Variants in WDFY4 observed in about 807,000 individuals in gnomAD.
WDFY4 encodes the protein WDFY family member 4, also known as WD repeat- and FYVE domain-containing protein 4.
Under a neutral mutation model 351.9 loss-of-function variants are expected in WDFY4, and 169 were observed. The ratio of observed to expected loss-of-function variants is 0.48; its 90% CI spans 0.42 to 0.55. The LOEUF is 0.55. WDFY4 is among the 20% of genes least tolerant of loss of function. The pLI, the probability that WDFY4 is intolerant of heterozygous loss-of-function variation, is 0.00. For missense variants in WDFY4, 3,803 were observed against 3,935.6 expected, an observed-to-expected ratio of 0.97 and a Z score of 0.90; for synonymous variants, 1,622 against 1,574.6, an observed-to-expected ratio of 1.03 and a Z score of -0.71.
chr10:48,731,520 C>G lies in WDFY4; in HGVS notation c.1540C>G (p.Leu514Val). Residue 514 changes from leucine to valine, a missense_variant, in exon 9 of 62, where the codon CTG becomes GTG. Physicochemically the swap from Leu to Val is conservative, Grantham distance 32. This residue lies in a region of WDFY4 where 261 missense variants were observed against 330.2 expected (regional missense o/e 0.79). Coordinates refer to ENST00000325239, the MANE Select transcript of WDFY4 (RefSeq NM_001394531.1). Reference sequence around the variant, plus strand: ...GGACTCAGGGCTCCTGGGCCTGCTACTGGCACAGCTTCGGAAGCAAGCCAA... The same window carrying G: ...GGACTCAGGGCTCCTGGGCCTGCTAGTGGCACAGCTTCGGAAGCAAGCCAA... ...FRDSGLLGLLLAQLRKQAKIM... is the reference protein window; with the variant it reads ...FRDSGLLGLLVAQLRKQAKIM... The G allele has an allele frequency of 6.4e-7, 1 of 1,551,428 alleles. No homozygotes were observed. The highest frequency in any genetic ancestry group is 1.2e-5 in the South Asian group (1 of 84,064).
Position 48,802,747 on chromosome 10 carries a change from T to C in WDFY4, c.4411-539T>C, listed in dbSNP as rs568412656. 263 of 471,426 alleles carry C rather than the reference T, an allele frequency of 5.6e-4. 1 individual carries two copies. Among genetic ancestry groups the C allele is most frequent in the Non-Finnish European group, 1.3e-4 (30 of 227,194 alleles). The allele number at this position is 471,426 out of a possible 1,614,324, so 29.2% of individuals were successfully genotyped here. On this transcript the variant is annotated intron_variant, in intron 24 of 61. Transcript: ENST00000325239. The stretch of plus-strand genomic sequence containing the variant: ...AATTTTGTCATGCATGAGATGACAC[T>C]GTGGTTTGGGCTGAAGAATGTGTTG...
intron 13 of WDFY4, among the ~76,000 whole-genome samples, chr10:48,761,350 A>G (rs1016656220): frequency 6.6e-6 from 1 of 152,192 alleles, no homozygotes; most frequent in African/African-American, 2.4e-5. Flanking sequence ...GAAAAACATT[A>G]CATTGGCTGC....
Position 48,946,986 on chromosome 10 carries a change from C to G in WDFY4, c.7977+17C>G. On this transcript the variant is annotated intron_variant, in intron 51 of 61. Transcript: ENST00000325239. Reference sequence around the variant, plus strand: ...GCTCTGCAGGTGAGCTGCTGCCACTCTCTGTACACACACACACACACACAC... The same window carrying G: ...GCTCTGCAGGTGAGCTGCTGCCACTGTCTGTACACACACACACACACACAC... 6.9e-7 allele frequency: 1 copy of G among 1,455,978 alleles called. No individual in the cohort carries two copies. Among genetic ancestry groups the G allele is most frequent in the South Asian group, 1.2e-5 (1 of 81,580 alleles). 90.2% of individuals were successfully genotyped at this position (1,455,978 alleles called of 1,614,324 possible).
intron 35 of WDFY4, among the ~76,000 whole-genome samples, chr10:48,824,783 C>G (rs956424988): frequency 3.3e-5 from 5 of 152,180 alleles, no homozygotes; most frequent in African/African-American, 1.2e-4. Context: ...GGACTACAGA[C>G]ATGTACCACC....
chr10:48,970,328 G>A, intron 57 of WDFY4, 39 bp downstream of exon 57: 18 of 1,540,988 alleles, frequency 1.2e-5, no homozygotes, highest in Non-Finnish European at 1.6e-5. Context: ...CTCAGGTGGG[G>A]ACAGTACTTC....
At chr10:48,874,143 T>C (rs1328831455) in intron 41 of WDFY4, among the ~76,000 whole-genome samples, 3 of 152,366 alleles carry the variant, frequency 2.0e-5, no homozygotes, top group South Asian at 4.1e-4. Flanking sequence ...AATTTTACGA[T>C]GAAAATCTCA....
At chr10:48,823,109 C>T in intron 35 of WDFY4, 1 of 1,294,802 alleles carries the variant, frequency 7.7e-7, no homozygotes, top group South Asian at 1.2e-5. Flanking sequence ...TATGTATGTG[C>T]ATGCATATAC....
Position 48,964,013 on chromosome 10 carries a change from A to T in WDFY4, c.8395A>T (p.Ile2799Phe). The T allele has an allele frequency of 1.3e-6, 2 of 1,550,284 alleles. No individual in the cohort carries two copies. The highest frequency in any genetic ancestry group is 4.9e-5 in the East Asian group (2 of 40,920). The change falls in exon 54 of 62, where the codon ATC becomes TTC. Residue 2799 changes from isoleucine (I) to phenylalanine (F), a missense_variant. Physicochemically the swap from Ile to Phe is conservative, Grantham distance 21. This residue lies in a region of WDFY4 where 3,054 missense variants were observed against 3,148.6 expected (regional missense o/e 0.97). Coordinates refer to ENST00000325239, the MANE Select transcript of WDFY4 (RefSeq NM_001394531.1). ...CACTGACCCCCTCATCAAAAGCACC[A>T]TCCTGGGGTTTGTCAGCAACTTTGG... ...SITDPLIKST[I>F]LGFVSNFGQV...
At chr10:48,740,624 A>G (rs975804009) in intron 11 of WDFY4, among the ~76,000 whole-genome samples, 1 of 152,194 alleles carries the variant, frequency 6.6e-6, no homozygotes, top group Non-Finnish European at 1.5e-5. Context: ...CAAATGTCCA[A>G]CTTTCCTGGG....
intron 1 of WDFY4, among the ~76,000 whole-genome samples, chr10:48,688,391 G>A (rs2063109998): frequency 1.3e-5 from 2 of 152,192 alleles, no homozygotes; most frequent in Non-Finnish European, 2.9e-5. Flanking sequence ...TTGGAAAGAA[G>A]TGATATCTTT....
At chr10:48,920,123 GA>G (rs35251721) in intron 47 of WDFY4, among the ~76,000 whole-genome samples, 49,382 of 148,496 alleles carry the variant, frequency 0.33, 8,563 homozygotes, top group Non-Finnish European at 0.4. Flanking sequence ...AGACTAAAAA[GA>G]AAAAAAAAAG....
In WDFY4 at chr10:48,852,280, C is replaced by T. The variant is rs556066458; in HGVS notation, c.6664-14985C>T. ...TGACAGAGTCCAAAGACTGATCTTC[C>T]TACTCTGCCACTTCCTGTATTGACA... is the stretch of plus-strand genomic sequence containing the variant. On this transcript the variant is annotated intron_variant, in intron 39 of 61. Coordinates refer to ENST00000325239, the MANE Select transcript of WDFY4 (RefSeq NM_001394531.1). Among the ~76,000 whole-genome samples, 7 of 152,324 alleles carry T rather than the reference C, an allele frequency of 4.6e-5. No individual in the cohort carries two copies. In the South Asian group the frequency reaches 1.4e-3, roughly 32 times the overall value.
chr10:48,748,490 T>C (rs67702314), intron 12 of WDFY4, among the ~76,000 whole-genome samples: 14,257 of 152,218 alleles, frequency 0.094, 763 homozygotes, highest in Middle Eastern at 0.18. Context: ...TCCTGTTTTT[T>C]TCCTGATACT....
chr10:48,790,595 G>C, intron 22 of WDFY4, 132 bp from the exon 23 acceptor site: 3 of 1,004,476 alleles, frequency 3.0e-6, no homozygotes, highest in Non-Finnish European at 1.4e-6. Flanking sequence ...GCCTGTCCCA[G>C]GTGCACAGGT....
chr10:48,848,353 A>G (rs1408918074), intron 39 of WDFY4, among the ~76,000 whole-genome samples: 3 of 152,248 alleles, frequency 2.0e-5, no homozygotes, highest in African/African-American at 2.4e-5. Context: ...TCCAAGGTGG[A>G]TATGTCAGCC....
chr10:48,761,884 G>C (rs2065518034), intron 13 of WDFY4, among the ~76,000 whole-genome samples: 1 of 152,150 alleles, frequency 6.6e-6, no homozygotes, highest in Non-Finnish European at 1.5e-5. Context: ...TTTTGTCGAG[G>C]GCATCAATGC....
At chr10:48,913,693 G>T in intron 47 of WDFY4, 1 of 1,613,024 alleles carries the variant, frequency 6.2e-7, no homozygotes, top group South Asian at 1.1e-5. Context: ...TTGTTCAGTA[G>T]GTTGTCATGG....
intron 47 of WDFY4, among the ~76,000 whole-genome samples, chr10:48,941,450 C>CG (rs1246950102): frequency 6.6e-6 from 1 of 152,020 alleles, no homozygotes; most frequent in African/African-American, 2.4e-5. Context: ...AACAAGGGGT[C>CG]GGGGCAGGGA....
chr10:48,772,767 A>G lies in WDFY4; in HGVS notation c.2554-1691A>G, dbSNP rs1436913367. Among the ~76,000 whole-genome samples, 4 of 149,132 alleles carry G rather than the reference A, an allele frequency of 2.7e-5. No homozygotes were observed. In the East Asian group the frequency reaches 5.9e-4, roughly 22 times the overall value. The stretch of plus-strand genomic sequence containing the variant: ...TGTGTCCATGTGATCTCATTGTTCA[A>G]TTCCCACCTATGAGTGAGAATATGC... On this transcript the variant is annotated intron_variant, in intron 13 of 61. Transcript: ENST00000325239.
Sources: gnomAD v4.1 joint callset for allele counts (sites outside exome capture counted in the v4.1 genomes callset) on GRCh38, gnomAD v4.1.1 for gene constraint, gnomAD v4.1.1 regional missense constraint, MANE v1.5 for transcripts, NCBI Gene and HGNC (gene_info 2026-07-23, HGNC 2026-07-21) for gene names.